MEIG1: variants seen among roughly 807,000 people sequenced by gnomAD.
MEIG1 encodes the protein meiosis expressed gene 1 protein homolog.
A neutral mutation model predicts 11.3 loss-of-function variants in MEIG1; 12 were observed. The observed-to-expected ratio is 1.07, with a 90% confidence interval of 0.68 to 1.73. MEIG1 has a LOEUF of 1.73. Ranked by LOEUF, MEIG1 falls within the 40% of genes most tolerant of loss-of-function variation. The pLI, the probability that MEIG1 is intolerant of heterozygous loss-of-function variation, is 0.00. For synonymous variants in MEIG1, 41 were observed against 33.2 expected (o/e 1.24, Z -0.81); for missense variants, 119 against 104.9 (o/e 1.13, Z -0.59).
At chr10:14,966,732 C>T in intron 2 of MEIG1, 126 bp downstream of exon 2, 1 of 860,518 alleles carries the variant, frequency 1.2e-6, no homozygotes, top group Non-Finnish European at 1.8e-6. Flanking sequence ...TATTTGTTTT[C>T]TTTTATTTAC....
intron 1 of MEIG1, among the ~76,000 whole-genome samples, chr10:14,963,867 G>A (rs1236517979): frequency 1.3e-5 from 2 of 152,190 alleles, no homozygotes; most frequent in African/African-American, 4.8e-5. Context: ...GGGGGGCTGA[G>A]GCAGGCGGAT....
At position 14,960,743 on chromosome 10, in the gene MEIG1, G is replaced by C. The variant is rs1046514544; in HGVS notation, c.-30+1186G>C. ...GGTGTGTTTTTAAAATAACGTGCCC[G>C]AGGCCGGGCGTGGTGGCTCACCCCT... On this transcript the variant is annotated intron_variant, in intron 1 of 2. Coordinates refer to ENST00000407572, the MANE Select transcript of MEIG1 (RefSeq NM_001080836.3). Among the ~76,000 whole-genome samples, 3 of 151,722 alleles carry C rather than the reference G, an allele frequency of 2.0e-5. 1 individual carries two copies. Among genetic ancestry groups the C allele is most frequent in the Admixed American group, 2.0e-4 (3 of 15,258 alleles).
At chr10:14,986,235 G>A (rs1452332982) in intron 1 of MEIG1, among the ~76,000 whole-genome samples, 1 of 152,176 alleles carries the variant, frequency 6.6e-6, no homozygotes, top group East Asian at 1.9e-4. Flanking sequence ...GGAGGCAGAA[G>A]AATCGCTTGA....
At chr10:14,956,007 A>G (rs1589198341), upstream of MEIG1, among the ~76,000 whole-genome samples, 1 of 152,242 alleles carries the variant, frequency 6.6e-6, no homozygotes, top group East Asian at 1.9e-4. Flanking sequence ...GTAGAGCTCC[A>G]GGAAAGGCAG....
upstream of MEIG1, among the ~76,000 whole-genome samples, chr10:14,956,520 T>C (rs569514744): frequency 6.6e-6 from 1 of 152,032 alleles, no homozygotes; most frequent in South Asian, 2.1e-4. Context: ...ATGCGGAAAT[T>C]GCACTGAGCC....
At chr10:14,984,371 C>T (rs1166692756) in intron 1 of MEIG1, among the ~76,000 whole-genome samples, 5 of 152,204 alleles carry the variant, frequency 3.3e-5, no homozygotes, top group South Asian at 2.1e-4. Flanking sequence ...ACTGAAGTCA[C>T]CGGGGTATAC....
chr10:14,987,151 A>G (rs1843326687), intron 2 of MEIG1: 6 of 893,122 alleles, frequency 6.7e-6, no homozygotes, highest in Admixed American at 6.4e-5. Context: ...GGCAGCCCGC[A>G]TGAGAGATGA....
At chr10:14,964,585 G>GTGTGTATATATA (rs1378376059) in intron 1 of MEIG1, among the ~76,000 whole-genome samples, 36 of 93,028 alleles carry the variant, frequency 3.9e-4, no homozygotes, top group African/African-American at 1.4e-3. Flanking sequence ...GTGTGTGTGT[G>GTGTGTATATATA]TATATATATA....
chr10:14,957,901 C>T (rs985164036), upstream of MEIG1, among the ~76,000 whole-genome samples: 1 of 152,212 alleles, frequency 6.6e-6, no homozygotes, highest in Admixed American at 6.5e-5. Context: ...CCACCTCAGC[C>T]TCCCAAAGTG....
At position 14,979,049 on chromosome 10, in the gene MEIG1, C is replaced by T. The variant is rs184394244; in HGVS notation, n.66+6429C>T. On this transcript the variant is annotated intron_variant and non_coding_transcript_variant, in intron 1 of 2. Coordinates refer to the MEIG1 transcript ENST00000467536. ...GTAATATCCTGGTGGGATGTTACTA[C>T]TAATGCCACAATACGTGTACACCCT... Among the ~76,000 whole-genome samples the T allele has an allele frequency of 2.1e-3, 324 of 152,146 alleles. 1 individual carries two copies. The highest frequency in any genetic ancestry group is 7.2e-3 in the South Asian group (35 of 4,832).
intron 1 of MEIG1, among the ~76,000 whole-genome samples, chr10:14,960,986 G>A (rs1666897990): frequency 6.8e-6 from 1 of 147,954 alleles, no homozygotes; most frequent in African/African-American, 2.5e-5. Flanking sequence ...ACAAGATCAC[G>A]CCATGGCGCT....
chr10:14,957,105 A>G (rs1842960055), upstream of MEIG1, among the ~76,000 whole-genome samples: 1 of 152,210 alleles, frequency 6.6e-6, no homozygotes, highest in Admixed American at 6.5e-5. Flanking sequence ...GTGGGAGTGT[A>G]CCTTCTAATG....
chr10:14,957,748 C>A (rs924511372), upstream of MEIG1, among the ~76,000 whole-genome samples: 6 of 152,170 alleles, frequency 3.9e-5, no homozygotes, highest in Admixed American at 6.6e-5. Context: ...TGGGTTCAAG[C>A]GATTCTCCTG....
At chr10:14,987,879 G>A (rs1843334525) in exon 3 of MEIG1, 1 of 155,948 alleles carries the variant, frequency 6.4e-6, no homozygotes, top group Non-Finnish European at 1.4e-5. Flanking sequence ...CATTGATGTA[G>A]AATATGTAAA....
chr10:14,963,254 G>A (rs1331592432), intron 1 of MEIG1, among the ~76,000 whole-genome samples: 4 of 152,042 alleles, frequency 2.6e-5, no homozygotes, highest in Admixed American at 1.3e-4. Context: ...GCGCCACCAC[G>A]CCCGGCTAAT....
downstream of MEIG1, among the ~76,000 whole-genome samples, chr10:14,973,945 C>A (rs1186410973): frequency 6.6e-6 from 1 of 152,078 alleles, no homozygotes; most frequent in Non-Finnish European, 1.5e-5. Context: ...GGACTAAGGC[C>A]ATGGGAATCA....
chr10:14,981,855 C>T (rs1843268763), intron 1 of MEIG1, among the ~76,000 whole-genome samples: 1 of 152,222 alleles, frequency 6.6e-6, no homozygotes. Flanking sequence ...TCCCTTGCTT[C>T]TTTGGGGGGA....
intron 2 of MEIG1, among the ~76,000 whole-genome samples, chr10:14,969,381 G>A (rs1258418077): frequency 2.6e-5 from 4 of 151,610 alleles, no homozygotes; most frequent in East Asian, 1.9e-4. Context: ...GCAGGAGATC[G>A]AGGCTGCAGT....
chr10:14,981,753 G>C (rs1293015073), intron 1 of MEIG1, among the ~76,000 whole-genome samples: 5 of 152,182 alleles, frequency 3.3e-5, no homozygotes, highest in African/African-American at 4.8e-5. Flanking sequence ...GAGGGCATTT[G>C]TTCTTCCAAT....
Sources: gnomAD v4.1 joint callset for allele counts (sites outside exome capture counted in the v4.1 genomes callset) on GRCh38, gnomAD v4.1.1 for gene constraint, MANE v1.5 for transcripts, NCBI Gene and HGNC (gene_info 2026-07-23, HGNC 2026-07-21) for gene names.